Variants in DEPDC5 observed in about 807,000 individuals in gnomAD.
DEPDC5 encodes GATOR1 complex protein DEPDC5.
A neutral mutation model predicts 217.3 loss-of-function variants in DEPDC5; 73 were observed. That is an observed-to-expected ratio of 0.34 (90% CI 0.28 to 0.41). The LOEUF (loss-of-function observed/expected upper bound fraction) is 0.41, where lower values mean the gene tolerates loss of function less well. Among genes scored for constraint, DEPDC5 ranks in the 10% least tolerant of loss-of-function variants. The pLI is 1.00. For synonymous variants in DEPDC5, 733 were observed against 756.7 expected (o/e 0.97, Z 0.51); for missense variants, 1,675 against 2,070.1 (o/e 0.81, Z 3.70).
chr22:31,855,170 G>A (rs2092230101), intron 31 of DEPDC5, among the ~76,000 whole-genome samples: 2 of 151,772 alleles, frequency 1.3e-5, no homozygotes, highest in Non-Finnish European at 1.5e-5. Flanking sequence ...TCACCATGTT[G>A]GCCAGGATGG....
At chr22:31,815,244 G>A in intron 21 of DEPDC5, 32 bp downstream of exon 21, 1 of 1,611,580 alleles carries the variant, frequency 6.2e-7, no homozygotes. Flanking sequence ...CAGAGCCAGG[G>A]ACATCTTTCT....
intron 9 of DEPDC5, chr22:31,784,289 G>T (rs1452639267): frequency 1.3e-5 from 3 of 226,474 alleles, no homozygotes; most frequent in Non-Finnish European, 2.6e-5. Context: ...CTTAGTTTGA[G>T]AATGAAACCA....
intron 32 of DEPDC5, among the ~76,000 whole-genome samples, chr22:31,860,919 C>G (rs889059785): frequency 2.6e-5 from 4 of 152,172 alleles, no homozygotes; most frequent in Non-Finnish European, 5.9e-5. Flanking sequence ...CACCAAAGCC[C>G]TTACCCTGCA....
chr22:31,807,106 A>T (rs1209258707), intron 18 of DEPDC5, among the ~76,000 whole-genome samples: 2 of 152,180 alleles, frequency 1.3e-5, no homozygotes, highest in Non-Finnish European at 2.9e-5. Flanking sequence ...TATATTAATA[A>T]TTATATCACA....
intron 33 of DEPDC5, among the ~76,000 whole-genome samples, chr22:31,868,521 G>T (rs541664651): frequency 6.6e-6 from 1 of 152,108 alleles, no homozygotes; most frequent in Non-Finnish European, 1.5e-5. Context: ...TCCGCTTCCC[G>T]GGTGAAGCAG....
At chr22:31,778,965 C>T (rs1053573926) in intron 8 of DEPDC5, among the ~76,000 whole-genome samples, 8 of 152,142 alleles carry the variant, frequency 5.3e-5, no homozygotes, top group South Asian at 4.1e-4. Context: ...ACATGCTACA[C>T]GTCCAGAGCA....
chr22:31,871,476 T>C (rs2149237868), intron 34 of DEPDC5, among the ~76,000 whole-genome samples: 1 of 152,302 alleles, frequency 6.6e-6, no homozygotes, highest in Non-Finnish European at 1.5e-5. Flanking sequence ...AATCTGTGTC[T>C]CATCTACTGC....
At chr22:31,768,897 A>C (rs1377551556) in intron 7 of DEPDC5, 34 bp downstream of exon 7, 27 of 1,612,008 alleles carry the variant, frequency 1.7e-5, no homozygotes, top group Non-Finnish European at 2.3e-5. Flanking sequence ...TTATCTGTGC[A>C]GTAACTGGGC....
chr22:31,767,718 C>T (rs2082942636), intron 6 of DEPDC5, among the ~76,000 whole-genome samples: 1 of 151,974 alleles, frequency 6.6e-6, no homozygotes, highest in Non-Finnish European at 1.5e-5. Flanking sequence ...AGGTGTGAGG[C>T]ATCGTGCCCG....
chr22:31,838,689 G>A lies in DEPDC5; in HGVS notation c.2359G>A (p.Asp787Asn). The A allele has an allele frequency of 6.2e-7, 1 of 1,613,966 alleles. No individual in the cohort carries two copies. Residue 787 changes from aspartate (D) to asparagine (N), a missense_variant, in exon 27 of 43, where the codon GAC becomes AAC. Around this residue, in one of 11 missense-constraint regions of DEPDC5, gnomAD observed 293 missense variants for 386.1 expected, o/e 0.76. Transcript: ENST00000651528. ...GCAATCATCTGTTGTTTTCAGGAGG[G>A]ACGAAGATGGTGTGCAGATGACAGC... Reference protein sequence around the residue: ...LLPEADIDRRDEDGVQMTAQQ... With the variant: ...LLPEADIDRRNEDGVQMTAQQ...
intron 20 of DEPDC5, among the ~76,000 whole-genome samples, chr22:31,813,235 G>T (rs1442574406): frequency 6.6e-6 from 1 of 152,094 alleles, no homozygotes; most frequent in Non-Finnish European, 1.5e-5. Flanking sequence ...TGCTGCTTAG[G>T]GGCTCAGTAA....
In DEPDC5 at chr22:31,802,853, T is replaced by G; in HGVS notation, c.1081+15T>G. On this transcript the variant is annotated intron_variant, in intron 15 of 42. Transcript: ENST00000651528. ...GATAGATAATGGTAATGCTCTCTGG[T>G]TTGTGCCCTGTCTCCACATGTTCCT... 6.3e-7 allele frequency: 1 copy of G among 1,581,652 alleles called. No homozygotes were observed. The highest frequency in any genetic ancestry group is 8.6e-7 in the Non-Finnish European group (1 of 1,163,968).
chr22:31,837,316 A>T (rs1463086140), intron 26 of DEPDC5, 161 bp downstream of exon 26: 4 of 716,150 alleles, frequency 5.6e-6, no homozygotes, highest in South Asian at 4.6e-5. Flanking sequence ...AAAAAATTTT[A>T]AAAAAACATT....
intron 34 of DEPDC5, among the ~76,000 whole-genome samples, chr22:31,871,604 T>G (rs2092845263): frequency 6.6e-6 from 1 of 152,214 alleles, no homozygotes; most frequent in Admixed American, 6.5e-5. Flanking sequence ...ACCTGGCTTT[T>G]TGGCTGTAGG....
chr22:31,861,252 T>C, intron 32 of DEPDC5, 116 bp from the exon 33 acceptor site: 1 of 828,506 alleles, frequency 1.2e-6, no homozygotes, highest in Non-Finnish European at 1.9e-6. Context: ...TGTTTTTATT[T>C]TTATTTTTTG....
intron 41 of DEPDC5, among the ~76,000 whole-genome samples, chr22:31,904,588 CA>C (rs1365231047): frequency 6.6e-6 from 1 of 152,134 alleles, no homozygotes; most frequent in Non-Finnish European, 1.5e-5. Context: ...ACTAAAAATA[CA>C]AAAATTAACT....
rs757893978 is a variant in DEPDC5, at chr22:31,809,628, A to T, written c.1305A>T (p.Ala435=). Residue 435 remains alanine (A), a synonymous_variant, in exon 19 of 43, where the codon GCA becomes GCT. Transcript: ENST00000651528. ...TTTTTCAGCCCGCCTCTGAGAAAGC[A>T]AAAAATGGCCGTGATACATGTGAGT... ...LAGKKPASEK[A]KNGRDTSLGS... 2 of 1,613,872 alleles carry T rather than the reference A, an allele frequency of 1.2e-6. No homozygotes were observed.
intron 27 of DEPDC5, among the ~76,000 whole-genome samples, chr22:31,842,563 G>A (rs145713119): frequency 0.027 from 3,042 of 111,932 alleles, 101 homozygotes; most frequent in African/African-American, 0.09. Flanking sequence ...CAACAAGAGC[G>A]AAACTCCATC....
intron 27 of DEPDC5, 116 bp downstream of exon 27, chr22:31,838,961 T>G (rs997248388): frequency 3.4e-6 from 4 of 1,161,538 alleles, no homozygotes; most frequent in Non-Finnish European, 4.8e-6. Context: ...GACATAGAAG[T>G]TTTCTTTATA....
Sources: gnomAD v4.1 joint callset for allele counts (sites outside exome capture counted in the v4.1 genomes callset) on GRCh38, gnomAD v4.1.1 for gene constraint, gnomAD v4.1.1 regional missense constraint, MANE v1.5 for transcripts, NCBI Gene and HGNC (gene_info 2026-07-23, HGNC 2026-07-21) for gene names.